The following EPHA3 variants were observed in gnomAD, a reference collection of about 807,000 sequenced individuals.
The protein encoded by EPHA3 is ephrin type-A receptor 3.
Under a neutral mutation model 107.1 loss-of-function variants are expected in EPHA3, and 42 were observed. The ratio of observed to expected loss-of-function variants is 0.39; its 90% CI spans 0.31 to 0.51. The LOEUF is 0.51. EPHA3 is among the 20% of genes least tolerant of loss of function. EPHA3 has a pLI of 0.78. For synonymous variants in EPHA3, 461 were observed against 424.8 expected (o/e 1.09, Z -1.05); for missense variants, 1,183 against 1,211.2 (o/e 0.98, Z 0.35).
chr3:89,307,204 A>C (rs1389136093), intron 3 of EPHA3, among the ~76,000 whole-genome samples: 1 of 152,176 alleles, frequency 6.6e-6, no homozygotes, highest in African/African-American at 2.4e-5. Flanking sequence ...AAACCAAGAA[A>C]GCCTAAAATT....
intron 7 of EPHA3, chr3:89,400,108 C>CA: frequency 1.0e-6 from 1 of 973,340 alleles, no homozygotes; most frequent in Non-Finnish European, 1.2e-6. Context: ...ATATAATTTT[C>CA]AAAAAGGTAA....
chr3:89,363,973 C>T (rs1381724375), intron 5 of EPHA3, among the ~76,000 whole-genome samples: 2 of 150,630 alleles, frequency 1.3e-5, no homozygotes, highest in Non-Finnish European at 3.0e-5. Flanking sequence ...GACCACTTAT[C>T]AATAGCAATG....
chr3:89,396,033 A>G (rs1708845161), intron 6 of EPHA3, 72 bp downstream of exon 6: 4 of 1,571,134 alleles, frequency 2.5e-6, no homozygotes, highest in Non-Finnish European at 3.5e-6. Context: ...TGCTCTTGCA[A>G]AGAAACCAGT....
At position 89,432,452 on chromosome 3, in the gene EPHA3, G is replaced by A. The variant is rs374144679; in HGVS notation, c.2346+1093G>A. 5.9e-5 allele frequency among the ~76,000 whole-genome samples: 9 copies of A among 151,878 alleles called. No homozygotes were observed. The East Asian group carries it at 9.7e-4, about 16-fold the overall frequency. On this transcript the variant is annotated intron_variant, in intron 13 of 16. Coordinates refer to ENST00000336596, the MANE Select transcript of EPHA3 (RefSeq NM_005233.6). ...GGCTGGAGTGCAGTGGCACAATTAC[G>A]ACTCATTGTAGCAGCCTCAAACTCC...
At chr3:89,165,026 A>C (rs1273446590) in intron 2 of EPHA3, among the ~76,000 whole-genome samples, 1 of 152,220 alleles carries the variant, frequency 6.6e-6, no homozygotes, top group Non-Finnish European at 1.5e-5. Flanking sequence ...TGGCTTTTAA[A>C]GATTGCAGGT....
At chr3:89,314,828 C>G (rs1212947297) in intron 3 of EPHA3, among the ~76,000 whole-genome samples, 1 of 151,910 alleles carries the variant, frequency 6.6e-6, no homozygotes, top group African/African-American at 2.4e-5. Context: ...TGCAGTTATG[C>G]GTTACTTAAC....
intron 2 of EPHA3, among the ~76,000 whole-genome samples, chr3:89,144,473 TGAG>T (rs1188083723): frequency 6.6e-6 from 1 of 151,734 alleles, no homozygotes; most frequent in African/African-American, 2.4e-5. Flanking sequence ...TTGTACTTAT[TGAG>T]GTGTGCTTCT....
At chr3:89,476,671 G>A (rs559660785) in intron 16 of EPHA3, among the ~76,000 whole-genome samples, 23 of 150,980 alleles carry the variant, frequency 1.5e-4, no homozygotes, top group Non-Finnish European at 2.2e-4. Context: ...GCAGTGGCGC[G>A]ATCTCGGCTC....
chr3:89,162,843 G>T (rs936536633), intron 2 of EPHA3, among the ~76,000 whole-genome samples: 2 of 152,050 alleles, frequency 1.3e-5, no homozygotes, highest in Non-Finnish European at 2.9e-5. Flanking sequence ...ACTCTAGGAC[G>T]GCCACTCCAT....
intron 13 of EPHA3, among the ~76,000 whole-genome samples, chr3:89,439,295 A>T (rs1361907924): frequency 1.3e-5 from 2 of 152,172 alleles, no homozygotes; most frequent in African/African-American, 4.8e-5. Flanking sequence ...TGTCAAGCTA[A>T]TAGTAACTAG....
intron 5 of EPHA3, among the ~76,000 whole-genome samples, chr3:89,386,896 G>T (rs1708633210): frequency 6.6e-6 from 1 of 152,138 alleles, no homozygotes; most frequent in Admixed American, 6.5e-5. Flanking sequence ...TTTGATTTTG[G>T]ACTTGCATGG....
intron 1 of EPHA3, among the ~76,000 whole-genome samples, chr3:89,122,028 G>A (rs562529466): frequency 1.3e-5 from 2 of 152,178 alleles, no homozygotes; most frequent in East Asian, 3.9e-4. Flanking sequence ...ACTACACAGA[G>A]AATGATAACA....
chr3:89,456,500 G>A (rs1710100057), intron 15 of EPHA3, among the ~76,000 whole-genome samples: 1 of 152,078 alleles, frequency 6.6e-6, no homozygotes, highest in Admixed American at 6.5e-5. Context: ...TAAAAACGTT[G>A]TTGCATATAC....
At chr3:89,452,093 T>TA (rs1264685968) in intron 15 of EPHA3, among the ~76,000 whole-genome samples, 1 of 152,244 alleles carries the variant, frequency 6.6e-6, no homozygotes, top group African/African-American at 2.4e-5. Context: ...AAACGTTTTT[T>TA]ATCCATTCTT....
intron 2 of EPHA3, among the ~76,000 whole-genome samples, chr3:89,156,612 C>G (rs1704812311): frequency 6.6e-6 from 1 of 151,934 alleles, no homozygotes; most frequent in Non-Finnish European, 1.5e-5. Flanking sequence ...GTCCTGGTTT[C>G]AAGCGTTTGC....
intron 13 of EPHA3, among the ~76,000 whole-genome samples, chr3:89,440,106 G>T (rs1286762911): frequency 6.6e-6 from 1 of 152,112 alleles, no homozygotes; most frequent in Non-Finnish European, 1.5e-5. Context: ...GATTTGAACT[G>T]CTGGGGATAA....
chr3:89,272,468 T>C (rs768038796), intron 3 of EPHA3, among the ~76,000 whole-genome samples: 2 of 151,978 alleles, frequency 1.3e-5, no homozygotes, highest in Admixed American at 1.3e-4. Context: ...TGCAGTGTAT[T>C]TCAACTTTGC....
chr3:89,160,231 T>C (rs932484590), intron 2 of EPHA3, among the ~76,000 whole-genome samples: 1 of 152,072 alleles, frequency 6.6e-6, no homozygotes, highest in African/African-American at 2.4e-5. Flanking sequence ...ACATTTCTTC[T>C]GGGGGTAACA....
At chr3:89,286,930 T>G (rs1706100172) in intron 3 of EPHA3, among the ~76,000 whole-genome samples, 1 of 152,176 alleles carries the variant, frequency 6.6e-6, no homozygotes, top group Admixed American at 6.6e-5. Flanking sequence ...GTTGTTCTTA[T>G]TTCTACCTGA....
Sources: allele counts gnomAD v4.1 joint callset (sites outside exome capture counted in the v4.1 genomes callset), GRCh38; gene constraint gnomAD v4.1.1; transcripts MANE v1.5; gene names NCBI Gene and HGNC (gene_info 2026-07-23, HGNC 2026-07-21).